GRIP1: variants seen among roughly 807,000 people sequenced by gnomAD.
The protein encoded by GRIP1 is glutamate receptor-interacting protein 1.
In GRIP1, 45 loss-of-function variants were observed where a neutral mutation model predicts 129.9. That is an observed-to-expected ratio of 0.35 (90% CI 0.27 to 0.44). GRIP1 has a LOEUF of 0.44. Ranked by LOEUF, GRIP1 falls within the 20% of genes least tolerant of loss-of-function variation. The pLI, the probability that GRIP1 is intolerant of heterozygous loss-of-function variation, is 1.00. For missense variants in GRIP1, 1,196 were observed against 1,396.8 expected, an observed-to-expected ratio of 0.86 and a Z score of 2.29; for synonymous variants, 530 against 520.8, an observed-to-expected ratio of 1.02 and a Z score of -0.24.
At chr12:66,535,595 G>A (rs988855135) in intron 4 of GRIP1, among the ~76,000 whole-genome samples, 3 of 152,192 alleles carry the variant, frequency 2.0e-5, no homozygotes, top group African/African-American at 4.8e-5. Context: ...GAGCAAAGCT[G>A]CCATGTAACT....
At chr12:66,787,441 A>G (rs1258484090) in intron 1 of GRIP1, among the ~76,000 whole-genome samples, 2 of 152,132 alleles carry the variant, frequency 1.3e-5, no homozygotes, top group Non-Finnish European at 2.9e-5. Flanking sequence ...CACCAGTGCT[A>G]TGAGTTGAAT....
At chr12:66,800,833 A>G (rs2038836442) in intron 1 of GRIP1, among the ~76,000 whole-genome samples, 1 of 152,158 alleles carries the variant, frequency 6.6e-6, no homozygotes, top group Non-Finnish European at 1.5e-5. Context: ...GAGAATTTCA[A>G]AAAGTAAATG....
At position 66,462,931 on chromosome 12, in the gene GRIP1, G is replaced by A. The variant is rs1375072342; in HGVS notation, c.1035C>T (p.Pro345=). 12 of 1,612,748 alleles carry A rather than the reference G, an allele frequency of 7.4e-6. No individual in the cohort carries two copies. The highest frequency in any genetic ancestry group is 3.3e-5 in the Admixed American group (2 of 59,972). The part of the protein sequence containing the change: ...HHQTRLALKG[P]DHVKIQRSDR... ...CCAGGTGGACCATCTCACCATGGTC[G>A]GGCCCCTTTAGGGCCAGCCGGGTCT... The change falls in exon 9 of 25, where the codon CCC becomes CCT. Residue 345 remains proline (P), a synonymous_variant. Transcript: ENST00000359742.
At chr12:66,982,523 G>A (rs1232880309) in intron 1 of GRIP1, among the ~76,000 whole-genome samples, 1 of 152,164 alleles carries the variant, frequency 6.6e-6, no homozygotes, top group Non-Finnish European at 1.5e-5. Context: ...GTTGCTCAGT[G>A]GGAGGGAAAT....
chr12:66,669,601 A>T (rs987110591), intron 1 of GRIP1, among the ~76,000 whole-genome samples: 1 of 152,222 alleles, frequency 6.6e-6, no homozygotes, highest in African/African-American at 2.4e-5. Flanking sequence ...AAAGCCATCT[A>T]TACAGGTTTA....
At chr12:66,857,312 G>A (rs552284918) in intron 1 of GRIP1, among the ~76,000 whole-genome samples, 80 of 152,058 alleles carry the variant, frequency 5.3e-4, no homozygotes, top group African/African-American at 1.8e-3. Context: ...AAACCTGCAC[G>A]TTGTGCACAT....
chr12:66,725,035 T>C (rs4913494), intron 1 of GRIP1, among the ~76,000 whole-genome samples: 8,373 of 152,254 alleles, frequency 0.055, 595 homozygotes, highest in Admixed American at 0.17. Flanking sequence ...CTCATGCCTG[T>C]AATCCCAGCG....
chr12:66,384,910 G>A (rs1255763293), intron 19 of GRIP1, among the ~76,000 whole-genome samples: 1 of 152,198 alleles, frequency 6.6e-6, no homozygotes, highest in Non-Finnish European at 1.5e-5. Flanking sequence ...ACAGCTGGCT[G>A]GTGATACCAT....
intron 2 of GRIP1, chr12:66,567,522 A>G (rs1231960550): frequency 1.3e-5 from 2 of 152,482 alleles, no homozygotes; most frequent in Admixed American, 1.3e-4. Context: ...AACTCACTCA[A>G]AATTGCACAA....
chr12:66,719,608 G>C (rs556529706), intron 1 of GRIP1, among the ~76,000 whole-genome samples: 2 of 152,140 alleles, frequency 1.3e-5, no homozygotes, highest in South Asian at 4.1e-4. Context: ...ATGAAAAACT[G>C]TATAAAAAAT....
At chr12:66,971,067 C>T (rs138184695) in intron 1 of GRIP1, among the ~76,000 whole-genome samples, 1 of 152,294 alleles carries the variant, frequency 6.6e-6, no homozygotes, top group East Asian at 1.9e-4. Flanking sequence ...GACTCCTGCG[C>T]CTAGGAGTTC....
At position 66,725,419 on chromosome 12, in the gene GRIP1, A is replaced by G. The variant is rs552610220; in HGVS notation, c.-420+78634T>C. 2.0e-5 allele frequency among the ~76,000 whole-genome samples: 3 copies of G among 152,348 alleles called. No individual in the cohort carries two copies. The South Asian group carries it at 6.2e-4, about 32-fold the overall frequency. On this transcript the variant is annotated intron_variant, in intron 1 of 4. Transcript: ENST00000538373. ...TACATCATCTAGAGCTAATGTTGAT[A>G]TTAACTTTACAGTTTTTTGTTGTTT...
At chr12:66,740,589 C>T (rs954744553) in intron 1 of GRIP1, among the ~76,000 whole-genome samples, 1 of 152,122 alleles carries the variant, frequency 6.6e-6, no homozygotes. Context: ...GTTGATTCAT[C>T]CCATTAGAAG....
intron 1 of GRIP1, among the ~76,000 whole-genome samples, chr12:66,653,256 C>T (rs970899269): frequency 1.3e-5 from 2 of 149,564 alleles, no homozygotes; most frequent in African/African-American, 4.9e-5. Flanking sequence ...TCTAATTACC[C>T]CATCATAACT....
At chr12:66,688,135 T>A (rs559651221) in intron 1 of GRIP1, among the ~76,000 whole-genome samples, 1 of 152,326 alleles carries the variant, frequency 6.6e-6, no homozygotes, top group East Asian at 1.9e-4. Flanking sequence ...TACACCGGAC[T>A]TAGTTACTTC....
intron 1 of GRIP1, among the ~76,000 whole-genome samples, chr12:67,047,064 A>C (rs1484653069): frequency 3.3e-5 from 5 of 152,156 alleles, no homozygotes; most frequent in Admixed American, 3.3e-4. Context: ...CACAATTACC[A>C]TTTACTATAG....
At chr12:66,676,549 A>G (rs1029089031) in intron 1 of GRIP1, among the ~76,000 whole-genome samples, 1 of 152,110 alleles carries the variant, frequency 6.6e-6, no homozygotes, top group African/African-American at 2.4e-5. Flanking sequence ...AACTAGACAA[A>G]TCCAATTCAT....
At chr12:66,900,976 G>A (rs1414965214) in intron 1 of GRIP1, among the ~76,000 whole-genome samples, 1 of 152,176 alleles carries the variant, frequency 6.6e-6, no homozygotes, top group African/African-American at 2.4e-5. Context: ...GGAATGCACT[G>A]CTATTTCCCT....
At chr12:66,894,197 C>A (rs1196971282) in intron 1 of GRIP1, among the ~76,000 whole-genome samples, 3 of 152,212 alleles carry the variant, frequency 2.0e-5, no homozygotes, top group African/African-American at 7.2e-5. Flanking sequence ...TCTCCAATAT[C>A]TTCTGTAAGT....
Sources: gnomAD v4.1 joint callset for allele counts (sites outside exome capture counted in the v4.1 genomes callset) on GRCh38, gnomAD v4.1.1 for gene constraint, MANE v1.5 for transcripts, NCBI Gene and HGNC (gene_info 2026-07-23, HGNC 2026-07-21) for gene names.